The following UGGT2 variants were observed in gnomAD, a reference collection of about 807,000 sequenced individuals.
UGGT2 encodes UDP-glucose glycoprotein glucosyltransferase 2, also known as UDP-glucose:glycoprotein glucosyltransferase 2.
A neutral mutation model predicts 192.1 loss-of-function variants in UGGT2; 180 were observed. That is an observed-to-expected ratio of 0.94 (90% CI 0.83 to 1.06). UGGT2 has a LOEUF of 1.06. UGGT2 is among the 50% of genes least tolerant of loss of function. UGGT2 has a pLI of 0.00. For missense variants in UGGT2, 1,849 were observed against 1,795.7 expected (o/e 1.03, Z -0.54); for synonymous variants, 580 against 591.0 (o/e 0.98, Z 0.27).
chr13:95,901,282 C>T (rs1374655997), intron 21 of UGGT2, among the ~76,000 whole-genome samples: 2 of 151,878 alleles, frequency 1.3e-5, no homozygotes, highest in Non-Finnish European at 2.9e-5. Context: ...AACTCAGTAC[C>T]TCTTATTTGG....
Position 95,900,876 on chromosome 13 carries a change from A to G in UGGT2, c.2565T>C (p.Thr855=). The G allele has an allele frequency of 6.2e-7, 1 of 1,611,500 alleles. No homozygotes were observed. The highest frequency in any genetic ancestry group is 1.1e-5 in the South Asian group (1 of 90,800). The change falls in exon 22 of 39, where the codon ACT becomes ACC. Residue 855 remains threonine, a synonymous_variant. Coordinates refer to ENST00000376747, the MANE Select transcript of UGGT2 (RefSeq NM_020121.4). ...GTACATCTTGACAGAACAACTGGTG[A>G]GTTCGAAAAATATTCACTCCAACAG... ...YNTVGVNIFR[T]HQLFCQDVLK...
At chr13:95,810,829 C>T (rs990467803) in intron 38 of UGGT2, among the ~76,000 whole-genome samples, 1 of 151,876 alleles carries the variant, frequency 6.6e-6, no homozygotes, top group Non-Finnish European at 1.5e-5. Context: ...AAAAGACAAC[C>T]AAAGATGGGA....
At chr13:95,968,122 G>A (rs2050648016) in intron 12 of UGGT2, among the ~76,000 whole-genome samples, 1 of 151,984 alleles carries the variant, frequency 6.6e-6, no homozygotes, top group Non-Finnish European at 1.5e-5. Context: ...TGTTGTAATT[G>A]TAATGCTTCC....
intron 8 of UGGT2, among the ~76,000 whole-genome samples, chr13:95,987,914 C>T (rs1258548470): frequency 3.3e-5 from 5 of 152,128 alleles, no homozygotes; most frequent in African/African-American, 2.4e-5. Flanking sequence ...CTCCCTTGCC[C>T]TCAGATTTCT....
chr13:95,827,937 G>A (rs141186386), intron 38 of UGGT2, among the ~76,000 whole-genome samples: 17 of 152,244 alleles, frequency 1.1e-4, no homozygotes, highest in Admixed American at 6.5e-4. Flanking sequence ...AATTCAGCAT[G>A]AGAATATAGT....
chr13:96,036,566 TA>T (rs199871760), intron 1 of UGGT2, among the ~76,000 whole-genome samples: 2,768 of 141,198 alleles, frequency 0.02, 54 homozygotes, highest in African/African-American at 0.056. Flanking sequence ...AAAGTTCAAG[TA>T]AAAAAAAAAA....
chr13:95,998,869 A>C (rs1034571034), intron 6 of UGGT2, among the ~76,000 whole-genome samples: 2 of 152,170 alleles, frequency 1.3e-5, no homozygotes, highest in Non-Finnish European at 2.9e-5. Context: ...CCAGATGCCT[A>C]TGCCAGTCAC....
Position 95,905,461 on chromosome 13 carries a change from A to G in UGGT2, c.2296-2401T>C, listed in dbSNP as rs1594284549. On this transcript the variant is annotated intron_variant, in intron 20 of 38. Coordinates refer to ENST00000376747, the MANE Select transcript of UGGT2 (RefSeq NM_020121.4). ...CGTTTAAGTCTTTAATCCATCTTCA[A>G]TTGATTTTTGTATAAGGTGTAAGGA... 2.0e-5 allele frequency among the ~76,000 whole-genome samples: 3 copies of G among 151,830 alleles called. No individual in the cohort carries two copies. The South Asian group carries it at 6.2e-4, about 32-fold the overall frequency.
intron 24 of UGGT2, among the ~76,000 whole-genome samples, chr13:95,893,648 T>C (rs1035355354): frequency 2.0e-5 from 3 of 152,204 alleles, no homozygotes; most frequent in African/African-American, 7.2e-5. Flanking sequence ...TCTCCCTTGA[T>C]AGGAAAGAAT....
chr13:95,882,539 A>C (rs1297592227), intron 27 of UGGT2, among the ~76,000 whole-genome samples: 1 of 152,192 alleles, frequency 6.6e-6, no homozygotes, highest in African/African-American at 2.4e-5. Flanking sequence ...TTTGTATAGC[A>C]CACAATGAAA....
intron 17 of UGGT2, among the ~76,000 whole-genome samples, chr13:95,935,871 G>A (rs1019911927): frequency 6.6e-6 from 1 of 152,236 alleles, no homozygotes. Flanking sequence ...CTGTCATCCA[G>A]GCTAGAGTGC....
chr13:95,948,246 C>T (rs1230332705), intron 13 of UGGT2, among the ~76,000 whole-genome samples, 165 bp from the exon 14 acceptor site: 1 of 151,522 alleles, frequency 6.6e-6, no homozygotes, highest in Non-Finnish European at 1.5e-5. Context: ...CACACACACA[C>T]ACACACATAT....
chr13:96,044,841 T>C (rs1299614978), intron 1 of UGGT2, among the ~76,000 whole-genome samples: 2 of 152,002 alleles, frequency 1.3e-5, no homozygotes, highest in Non-Finnish European at 2.9e-5. Context: ...AGCAGCGAGA[T>C]TAAAATTGTA....
chr13:96,038,924 C>A (rs1330998103), intron 1 of UGGT2, among the ~76,000 whole-genome samples: 4 of 152,114 alleles, frequency 2.6e-5, no homozygotes, highest in African/African-American at 9.7e-5. Context: ...GGGTATGATC[C>A]ATCCTGGGGT....
At chr13:96,023,285 A>T in intron 3 of UGGT2, 133 bp from the exon 4 acceptor site, 1 of 677,196 alleles carries the variant, frequency 1.5e-6, no homozygotes, top group Non-Finnish European at 2.2e-6. Flanking sequence ...AAGTAAAAAA[A>T]CATCTATACG....
chr13:95,975,198 C>A (rs1484468003), intron 10 of UGGT2, among the ~76,000 whole-genome samples: 1 of 152,102 alleles, frequency 6.6e-6, no homozygotes, highest in Non-Finnish European at 1.5e-5. Flanking sequence ...ACACTAAAGA[C>A]CTTGCCTGGA....
chr13:95,953,466 C>T (rs759759809), intron 12 of UGGT2, among the ~76,000 whole-genome samples: 1 of 151,972 alleles, frequency 6.6e-6, no homozygotes, highest in East Asian at 1.9e-4. Context: ...TTAACTTTGG[C>T]GGGAGTGCAG....
intron 2 of UGGT2, among the ~76,000 whole-genome samples, chr13:96,027,024 G>C (rs985949733): frequency 1.6e-4 from 24 of 152,016 alleles, no homozygotes; most frequent in Non-Finnish European, 1.5e-5. Context: ...TGGGAGATAT[G>C]GTGAGTTTTC....
At chr13:95,985,280 C>G in intron 9 of UGGT2, 2 of 1,285,684 alleles carry the variant, frequency 1.6e-6, no homozygotes, top group Non-Finnish European at 2.1e-6. Flanking sequence ...GACGACTTCT[C>G]AAATTCTTGA....
Sources: gnomAD v4.1 joint callset for allele counts (sites outside exome capture counted in the v4.1 genomes callset) on GRCh38, gnomAD v4.1.1 for gene constraint, MANE v1.5 for transcripts, NCBI Gene and HGNC (gene_info 2026-07-23, HGNC 2026-07-21) for gene names.